The following RFTN2 variants were observed in gnomAD, a reference collection of about 807,000 sequenced individuals.
RFTN2 encodes the protein raftlin-2.
In RFTN2, 34 loss-of-function variants were observed where a neutral mutation model predicts 52.7. That is an observed-to-expected ratio of 0.64 (90% confidence interval 0.49 to 0.86). The LOEUF (loss-of-function observed/expected upper bound fraction) is 0.86. Ranked by LOEUF, RFTN2 falls within the 40% of genes least tolerant of loss-of-function variation. The pLI is 0.00. For missense variants in RFTN2, 536 were observed against 600.1 expected, an observed-to-expected ratio of 0.89 and a Z score of 1.12; for synonymous variants, 203 against 217.7, an observed-to-expected ratio of 0.93 and a Z score of 0.59.
At chr2:197,592,529 A>G (rs778883861) in intron 8 of RFTN2, among the ~76,000 whole-genome samples, 3 of 152,224 alleles carry the variant, frequency 2.0e-5, no homozygotes, top group Non-Finnish European at 4.4e-5. Flanking sequence ...ACTCTAGGTT[A>G]ATTTCTATCA....
At chr2:197,663,478 CTT>C (rs1167223812) in intron 1 of RFTN2, among the ~76,000 whole-genome samples, 1 of 152,098 alleles carries the variant, frequency 6.6e-6, no homozygotes, top group Non-Finnish European at 1.5e-5. Context: ...TGTTGGGAGA[CTT>C]TTCATTACTG....
chr2:197,615,247 G>C (rs936864988), intron 7 of RFTN2, among the ~76,000 whole-genome samples: 6 of 152,198 alleles, frequency 3.9e-5, no homozygotes, highest in African/African-American at 1.4e-4. Context: ...GGCCTAGTTG[G>C]TACTGTGCTG....
At chr2:197,621,778 G>T (rs2088270500) in intron 5 of RFTN2, among the ~76,000 whole-genome samples, 1 of 152,128 alleles carries the variant, frequency 6.6e-6, no homozygotes, top group Admixed American at 6.5e-5. Flanking sequence ...GCCTCTAGGT[G>T]TTCAAGTGAA....
chr2:197,601,806 T>C (rs1160352970), intron 7 of RFTN2, among the ~76,000 whole-genome samples: 5 of 152,206 alleles, frequency 3.3e-5, no homozygotes, highest in Non-Finnish European at 7.3e-5. Context: ...TTCATTTTTC[T>C]TGGGCCAATT....
rs1316637485 is a variant in RFTN2, at chr2:197,640,048, C to CTCAGGGG, written c.438+4103_438+4109dup. Among the ~76,000 whole-genome samples the CTCAGGGG allele has an allele frequency of 2.2e-4, 33 of 152,350 alleles. 1 individual carries two copies. In the East Asian group the frequency reaches 6.2e-3, roughly 28 times the overall value. On this transcript the variant is annotated intron_variant, in intron 3 of 8. Coordinates refer to ENST00000295049, the MANE Select transcript of RFTN2 (RefSeq NM_144629.3). ...CTGGGGGTGCCTCCCAGTTAGGCTG[C>CTCAGGGG]TCAGGGGTCAGGGGTCAGGGACCCA...
rs955714262 is a variant in RFTN2 at position 197,592,431 on chromosome 2, A to G, written c.1233+3560T>C. Reference sequence around the variant, plus strand: ...GCGGGTCTTGAACTCCCGACCTCAGATGATCCGCCCGCCTTGGCCTTCCAA... The same window carrying G: ...GCGGGTCTTGAACTCCCGACCTCAGGTGATCCGCCCGCCTTGGCCTTCCAA... On this transcript the variant is annotated intron_variant, in intron 8 of 8. Transcript: ENST00000295049. Among the ~76,000 whole-genome samples the G allele has an allele frequency of 2.6e-5, 4 of 152,290 alleles. No homozygotes were observed. The East Asian group carries it at 5.8e-4, about 22-fold the overall frequency.
intron 1 of RFTN2, among the ~76,000 whole-genome samples, chr2:197,666,187 C>T (rs1437026930): frequency 3.9e-5 from 6 of 152,010 alleles, no homozygotes; most frequent in African/African-American, 9.7e-5. Flanking sequence ...CAGCTTCAAG[C>T]GTTTCTCTTG....
At chr2:197,603,506 G>A (rs997101171) in intron 7 of RFTN2, among the ~76,000 whole-genome samples, 1 of 152,070 alleles carries the variant, frequency 6.6e-6, no homozygotes, top group African/African-American at 2.4e-5. Context: ...TATAGAGATG[G>A]GGGTCTTGCT....
intron 7 of RFTN2, among the ~76,000 whole-genome samples, chr2:197,602,900 A>T (rs996408644): frequency 2.0e-4 from 31 of 152,262 alleles, no homozygotes; most frequent in African/African-American, 7.0e-4. Context: ...ACCATAAAAA[A>T]TGATGAGTTC....
chr2:197,660,329 T>C (rs994988127), intron 1 of RFTN2, among the ~76,000 whole-genome samples: 3 of 152,222 alleles, frequency 2.0e-5, no homozygotes, highest in Non-Finnish European at 4.4e-5. Flanking sequence ...TTCAATAACT[T>C]AGAAATATAA....
rs368127364 is a variant in RFTN2 at position 197,571,760 on chromosome 2, G to T, written c.*248C>A. 1 of 506,178 alleles carries T rather than the reference G, an allele frequency of 2.0e-6. No individual in the cohort carries two copies. The highest frequency in any genetic ancestry group is 3.5e-6 in the Non-Finnish European group (1 of 283,806). The allele number at this position is 506,178 out of a possible 1,614,324, so 31.4% of individuals were successfully genotyped here. A position where few individuals can be genotyped will look rare whatever the true frequency, so the allele number is the denominator to read the frequency against. On this transcript the variant is annotated 3_prime_UTR_variant, in exon 9 of 9. Coordinates refer to ENST00000295049, the MANE Select transcript of RFTN2 (RefSeq NM_144629.3). ...TGAAATAGATTATTGTGTAATAACC[G>T]AATGGAACATCTGTTTAACCAGATG...
chr2:197,597,296 T>C (rs2106189215), intron 7 of RFTN2, among the ~76,000 whole-genome samples: 1 of 152,302 alleles, frequency 6.6e-6, no homozygotes, highest in South Asian at 2.1e-4. Flanking sequence ...TTTTATAAAA[T>C]ATGTAGTAAC....
intron 8 of RFTN2, among the ~76,000 whole-genome samples, chr2:197,577,114 C>G (rs2087431759): frequency 6.6e-6 from 1 of 152,194 alleles, no homozygotes; most frequent in South Asian, 2.1e-4. Context: ...CTGGATGGAA[C>G]CAAAGTTCAT....
At chr2:197,604,391 G>A (rs1265802579) in intron 7 of RFTN2, among the ~76,000 whole-genome samples, 1 of 152,162 alleles carries the variant, frequency 6.6e-6, no homozygotes, top group African/African-American at 2.4e-5. Context: ...ATAGTAGAAT[G>A]AATAAATAAA....
chr2:197,584,285 C>T (rs1198523285), intron 8 of RFTN2, among the ~76,000 whole-genome samples: 1 of 152,168 alleles, frequency 6.6e-6, no homozygotes, highest in African/African-American at 2.4e-5. Context: ...CTCTCCAGCA[C>T]CTGTTGTTTC....
intron 7 of RFTN2, among the ~76,000 whole-genome samples, chr2:197,608,528 G>T (rs1482368867): frequency 1.3e-5 from 2 of 151,406 alleles, no homozygotes; most frequent in Non-Finnish European, 2.9e-5. Flanking sequence ...TAGCTAGGCT[G>T]GTCTCAAACT....
At chr2:197,648,230 C>A (rs1042688855) in intron 1 of RFTN2, among the ~76,000 whole-genome samples, 1 of 152,214 alleles carries the variant, frequency 6.6e-6, no homozygotes, top group Non-Finnish European at 1.5e-5. Context: ...AATCCACCAT[C>A]AGTGGGTATT....
chr2:197,640,710 C>G (rs562059944), intron 3 of RFTN2, among the ~76,000 whole-genome samples: 1 of 149,584 alleles, frequency 6.7e-6, no homozygotes, highest in Non-Finnish European at 1.5e-5. Context: ...TCGCTCACGC[C>G]GGGAGCTGTA....
At chr2:197,643,450 A>G (rs560979107) in intron 3 of RFTN2, among the ~76,000 whole-genome samples, 1 of 152,302 alleles carries the variant, frequency 6.6e-6, no homozygotes, top group South Asian at 2.1e-4. Flanking sequence ...CTGGTTTAAT[A>G]CTGGTGAGGT....
Sources: gnomAD v4.1 joint callset for allele counts (sites outside exome capture counted in the v4.1 genomes callset) on GRCh38, gnomAD v4.1.1 for gene constraint, MANE v1.5 for transcripts, NCBI Gene and HGNC (gene_info 2026-07-23, HGNC 2026-07-21) for gene names.